Variants in ADAM19 observed in about 807,000 individuals in gnomAD.
ADAM19 encodes the protein ADAM metallopeptidase domain 19.
A neutral mutation model predicts 114.7 loss-of-function variants in ADAM19; 65 were observed. That is an observed-to-expected ratio of 0.57 (90% CI 0.46 to 0.70). The LOEUF (loss-of-function observed/expected upper bound fraction) is 0.70, where lower values mean the gene tolerates loss of function less well. ADAM19 is among the 30% of genes least tolerant of loss of function. The probability of loss-of-function intolerance (pLI) is 0.00; values close to 1 mark genes in which losing one functional copy is unlikely to be tolerated. For synonymous variants in ADAM19, 466 were observed against 460.5 expected (o/e 1.01, Z -0.15); for missense variants, 1,063 against 1,204.7 (o/e 0.88, Z 1.74).
intron 9 of ADAM19, among the ~76,000 whole-genome samples, chr5:157,507,979 T>TA (rs1441444574): frequency 6.6e-6 from 1 of 152,246 alleles, no homozygotes; most frequent in Non-Finnish European, 1.5e-5. Flanking sequence ...AAGACTATCT[T>TA]AACTATTTTG....
chr5:157,552,044 A>G (rs974508799), intron 3 of ADAM19, among the ~76,000 whole-genome samples: 7 of 152,132 alleles, frequency 4.6e-5, no homozygotes, highest in Admixed American at 2.0e-4. Flanking sequence ...CCAGATACTC[A>G]AGAGACTGAG....
intron 5 of ADAM19, among the ~76,000 whole-genome samples, chr5:157,529,081 A>T (rs1456745002): frequency 6.6e-6 from 1 of 152,220 alleles, no homozygotes; most frequent in Non-Finnish European, 1.5e-5. Flanking sequence ...CCTGAAATTG[A>T]TCATGGTGGG....
chr5:157,570,238 C>T (rs577641342), intron 2 of ADAM19, among the ~76,000 whole-genome samples: 41 of 152,076 alleles, frequency 2.7e-4, no homozygotes, highest in Admixed American at 2.5e-3. Flanking sequence ...CCAGCCTGTG[C>T]GACAGAGTGA....
chr5:157,552,471 A>G (rs1392073437), intron 3 of ADAM19, among the ~76,000 whole-genome samples: 1 of 151,982 alleles, frequency 6.6e-6, no homozygotes, highest in Non-Finnish European at 1.5e-5. Context: ...GGGCAACAGG[A>G]GTTTGAGACC....
chr5:157,567,526 G>A (rs1016537985), intron 2 of ADAM19, among the ~76,000 whole-genome samples: 4 of 152,320 alleles, frequency 2.6e-5, no homozygotes, highest in South Asian at 2.1e-4. Context: ...GACCGGGCAC[G>A]GTGGCTCACG....
chr5:157,548,793 G>A lies in ADAM19; in HGVS notation c.252-10802C>T, dbSNP rs528865749. ...TCTCATTTTTCTCCAGGATAGTCAT[G>A]CTCCATTGCCCAACCACAAAGGGTA... On this transcript the variant is annotated intron_variant, in intron 3 of 22. Transcript: ENST00000257527. Among the ~76,000 whole-genome samples the A allele has an allele frequency of 1.4e-4, 22 of 152,296 alleles. No individual in the cohort carries two copies. The South Asian group carries it at 4.1e-3, about 29-fold the overall frequency.
At chr5:157,503,128 C>T in intron 11 of ADAM19, 148 bp from the exon 12 acceptor site, 2 of 617,250 alleles carry the variant, frequency 3.2e-6, no homozygotes, top group Non-Finnish European at 5.5e-6. Flanking sequence ...ATTCTGGCCC[C>T]TTAGAACATT....
At position 157,494,801 on chromosome 5, in the gene ADAM19, T is replaced by C; in HGVS notation, c.1595-6A>G. On this transcript the variant is annotated splice_region_variant and splice_polypyrimidine_tract_variant and intron_variant, in intron 14 of 22. Coordinates refer to ENST00000257527, the MANE Select transcript of ADAM19 (RefSeq NM_033274.5). ...GTCAGGGGCAGGTCGGGCTCCTGGG[T>C]GGGCAAGCAACATCTATCAGTATAC... is the stretch of plus-strand genomic sequence containing the variant. The C allele has an allele frequency of 6.2e-7, 1 of 1,612,572 alleles. No individual in the cohort carries two copies. Among genetic ancestry groups the C allele is most frequent in the Non-Finnish European group, 8.5e-7 (1 of 1,178,844 alleles).
chr5:157,547,764 G>A lies in ADAM19; in HGVS notation c.252-9773C>T, dbSNP rs559892597. Reference sequence around the variant, plus strand: ...ATGCAACCCATTTCCCAGTTTCCATGATTCCACCCTATAAATATCTCTGGA... The same window carrying A: ...ATGCAACCCATTTCCCAGTTTCCATAATTCCACCCTATAAATATCTCTGGA... On this transcript the variant is annotated intron_variant, in intron 3 of 22. Transcript: ENST00000257527. 3.9e-5 allele frequency among the ~76,000 whole-genome samples: 6 copies of A among 152,274 alleles called. No individual in the cohort carries two copies. In the South Asian group the frequency reaches 1.2e-3, roughly 32 times the overall value.
chr5:157,565,986 A>G (rs1757649313), intron 2 of ADAM19: 1 of 149,068 alleles, frequency 6.7e-6, no homozygotes, highest in African/African-American at 2.5e-5. Flanking sequence ...GTGCACACCT[A>G]TAGTTCTAGC....
intron 14 of ADAM19, among the ~76,000 whole-genome samples, chr5:157,495,934 T>A (rs1295925153): frequency 0.01 from 191 of 18,562 alleles, no homozygotes; most frequent in African/African-American, 0.033. Context: ...GTGCCCAGTC[T>A]TTTTTTTTTT....
chr5:157,494,814 T>C lies in ADAM19; in HGVS notation c.1595-19A>G. On this transcript the variant is annotated intron_variant, in intron 14 of 22. Transcript: ENST00000257527. ...CGGGCTCCTGGGTGGGCAAGCAACATCTATCAGTATACTCATCTGTCAGAA... is the reference window on the plus strand; with the variant it reads ...CGGGCTCCTGGGTGGGCAAGCAACACCTATCAGTATACTCATCTGTCAGAA... The C allele has an allele frequency of 6.2e-7, 1 of 1,600,396 alleles. No homozygotes were observed. Among genetic ancestry groups the C allele is most frequent in the Non-Finnish European group, 8.6e-7 (1 of 1,167,948 alleles).
Position 157,479,021 on chromosome 5 carries a change from A to G in ADAM19, c.*1928T>C. The G allele has an allele frequency of 1.0e-6, 1 of 985,710 alleles. No individual in the cohort carries two copies. Among genetic ancestry groups the G allele is most frequent in the Non-Finnish European group, 1.2e-6 (1 of 829,940 alleles). The allele number at this position is 985,710 out of a possible 1,614,324, so 61.1% of individuals were successfully genotyped here. A position where few individuals can be genotyped will look rare whatever the true frequency, so the allele number is the denominator to read the frequency against. On this transcript the variant is annotated 3_prime_UTR_variant, in exon 23 of 23. Transcript: ENST00000257527. ...GGTGAAAGGGGATGTTTTCACCTTT[A>G]CTTTCCAGGAACCAAGCCTTGAGGC...
chr5:157,478,013 G>C lies in ADAM19; in HGVS notation c.*2936C>G. The stretch of plus-strand genomic sequence containing the variant: ...AGGCAGTTACAAGATTGAGCCAGGT[G>C]CCCAGGCTAAGGCTTCTAGAGACAG... On this transcript the variant is annotated 3_prime_UTR_variant, in exon 23 of 23. Transcript: ENST00000257527. 3.8e-6 allele frequency: 1 copy of C among 260,568 alleles called. No homozygotes were observed. Among genetic ancestry groups the C allele is most frequent in the Non-Finnish European group, 7.8e-6 (1 of 128,020 alleles). 16.1% of individuals were successfully genotyped at this position (260,568 alleles called of 1,614,324 possible).
intron 10 of ADAM19, 98 bp from the exon 11 acceptor site, chr5:157,505,906 C>A: frequency 7.3e-7 from 1 of 1,370,578 alleles, no homozygotes; most frequent in Non-Finnish European, 1.0e-6. Flanking sequence ...CAGGTCTCCA[C>A]CAATTCCACT....
At chr5:157,511,853 T>C (rs183627850) in intron 8 of ADAM19, among the ~76,000 whole-genome samples, 2 of 152,294 alleles carry the variant, frequency 1.3e-5, no homozygotes, top group East Asian at 1.9e-4. Flanking sequence ...CTGCACAGGA[T>C]GCATGGGCCA....
chr5:157,543,870 A>G (rs11739504), intron 3 of ADAM19, among the ~76,000 whole-genome samples: 10 of 152,124 alleles, frequency 6.6e-5, no homozygotes, highest in African/African-American at 2.4e-4. Flanking sequence ...CATGGCCTGC[A>G]CTAGTCTAGA....
intron 14 of ADAM19, among the ~76,000 whole-genome samples, chr5:157,495,307 A>G (rs1324563837): frequency 6.6e-6 from 1 of 151,894 alleles, no homozygotes; most frequent in African/African-American, 2.4e-5. Flanking sequence ...GGCCTGTTTT[A>G]TGTAAATTCT....
chr5:157,491,233 T>C (rs886197271), intron 18 of ADAM19, among the ~76,000 whole-genome samples: 6 of 152,344 alleles, frequency 3.9e-5, no homozygotes, highest in African/African-American at 1.4e-4. Flanking sequence ...CCATTTTAAC[T>C]TGTGTCCATC....
Sources: allele counts gnomAD v4.1 joint callset (sites outside exome capture counted in the v4.1 genomes callset), GRCh38; gene constraint gnomAD v4.1.1; transcripts MANE v1.5; gene names NCBI Gene and HGNC (gene_info 2026-07-23, HGNC 2026-07-21).